The following DCBLD1 variants were observed in gnomAD, a reference collection of about 807,000 sequenced individuals.
DCBLD1 encodes discoidin, CUB and LCCL domain containing 1, also known as discoidin, CUB and LCCL domain-containing protein 1.
In DCBLD1, 57 loss-of-function variants were observed where a neutral mutation model predicts 71.5. That is an observed-to-expected ratio of 0.80 (90% CI 0.64 to 0.99). DCBLD1 has a LOEUF of 0.99. DCBLD1 is among the 50% of genes least tolerant of loss of function. The pLI is 0.00. For missense variants in DCBLD1, 891 were observed against 923.5 expected (o/e 0.96, Z 0.46); for synonymous variants, 380 against 363.8 (o/e 1.04, Z -0.51).
intron 2 of DCBLD1, among the ~76,000 whole-genome samples, chr6:117,511,286 C>T (rs1355155235): frequency 2.0e-5 from 3 of 152,240 alleles, no homozygotes; most frequent in African/African-American, 7.2e-5. Flanking sequence ...ACGTAGAGTT[C>T]CAGTATAAGT....
chr6:117,503,132 C>A (rs913579004), intron 1 of DCBLD1, among the ~76,000 whole-genome samples: 2 of 151,966 alleles, frequency 1.3e-5, no homozygotes, highest in Non-Finnish European at 2.9e-5. Context: ...CTTTTAATAC[C>A]ATGTCTGGTT....
chr6:117,548,196 C>A lies in DCBLD1; in HGVS notation c.1905C>A (p.Ser635=), dbSNP rs771283285. The change falls in exon 15 of 15, where the codon TCC becomes TCA. Residue 635 remains serine (S), a synonymous_variant. Transcript: ENST00000338728. The part of the protein sequence containing the change: ...GPQPGHKHSL[S]SGGFSPVAGV... ...AGCCCGGCCACAAACACTCCCTCTC[C>A]TCGGGCGGCTTCTCCCCCGTAGCGG... 5.4e-4 allele frequency: 841 copies of A among 1,550,364 alleles called. No individual in the cohort carries two copies. The highest frequency in any genetic ancestry group is 7.0e-4 in the Non-Finnish European group (800 of 1,146,964).
rs113474912 is a variant in DCBLD1 at position 117,538,088 on chromosome 6, C to T, written c.761-532C>T. The stretch of plus-strand genomic sequence containing the variant: ...ATAAACCGTTTCAAGGAAAACACTA[C>T]AAATATTTCTTCTTTGCCTTTATTG... On this transcript the variant is annotated intron_variant, in intron 7 of 14. Transcript: ENST00000338728. Among the ~76,000 whole-genome samples the T allele has an allele frequency of 6.3e-3, 962 of 152,246 alleles. 9 individuals carry two copies. Among genetic ancestry groups the T allele is most frequent in the African/African-American group, 0.022 (899 of 41,546 alleles).
intron 14 of DCBLD1, among the ~76,000 whole-genome samples, chr6:117,558,178 C>A (rs1261349642): frequency 6.6e-6 from 1 of 152,250 alleles, no homozygotes; most frequent in East Asian, 1.9e-4. Flanking sequence ...TTTCGCTGAA[C>A]ATTCAAGTGT....
chr6:117,510,149 A>G (rs1777968970), intron 2 of DCBLD1, among the ~76,000 whole-genome samples: 1 of 152,128 alleles, frequency 6.6e-6, no homozygotes, highest in East Asian at 1.9e-4. Flanking sequence ...GCGTTGATGC[A>G]TCATCTTGCT....
At chr6:117,554,929 T>C (rs1779478004) in intron 14 of DCBLD1, among the ~76,000 whole-genome samples, 1 of 152,128 alleles carries the variant, frequency 6.6e-6, no homozygotes, top group Non-Finnish European at 1.5e-5. Flanking sequence ...TCAGGGCTTT[T>C]CTTTCTTTGT....
intron 12 of DCBLD1, among the ~76,000 whole-genome samples, chr6:117,543,819 G>T (rs1355178847): frequency 6.6e-6 from 1 of 152,110 alleles, no homozygotes; most frequent in African/African-American, 2.4e-5. Context: ...GCTGCTTGGG[G>T]TATCACCAAG....
At chr6:117,561,561 G>A (rs1420750156) in intron 14 of DCBLD1, 2 of 211,644 alleles carry the variant, frequency 9.4e-6, no homozygotes, top group Admixed American at 5.9e-5. Context: ...TTGGCATAGG[G>A]GATTCATAAA....
chr6:117,498,257 C>T (rs1320567583), intron 1 of DCBLD1, among the ~76,000 whole-genome samples: 1 of 152,168 alleles, frequency 6.6e-6, no homozygotes, highest in African/African-American at 2.4e-5. Flanking sequence ...GTGTCACAAA[C>T]CAGCTGTGGC....
At chr6:117,482,993 C>G (rs903395065) in intron 1 of DCBLD1, 100 bp downstream of exon 1, 1 of 868,434 alleles carries the variant, frequency 1.2e-6, no homozygotes, top group East Asian at 9.8e-5. Context: ...ACGGGGCGGG[C>G]CGGGCCTGGG....
chr6:117,527,119 C>T (rs1019364493), intron 5 of DCBLD1, among the ~76,000 whole-genome samples: 6 of 152,224 alleles, frequency 3.9e-5, no homozygotes, highest in African/African-American at 1.4e-4. Context: ...TGGCCACTTG[C>T]ATCCTCAAAG....
chr6:117,484,850 A>C (rs1052292015), intron 1 of DCBLD1: 1 of 152,206 alleles, frequency 6.6e-6, no homozygotes, highest in Non-Finnish European at 1.5e-5. Flanking sequence ...GTGACCCCAT[A>C]AAGCTATACT....
chr6:117,533,555 A>G (rs1203901408), intron 6 of DCBLD1, among the ~76,000 whole-genome samples: 2 of 152,226 alleles, frequency 1.3e-5, no homozygotes, highest in Admixed American at 6.5e-5. Flanking sequence ...TAGCAATGTC[A>G]TAGGTCAAAT....
chr6:117,548,355 G>C lies in DCBLD1; in HGVS notation c.2064G>C (p.Thr688=), dbSNP rs115451873. 702 of 1,550,634 alleles carry C rather than the reference G, an allele frequency of 4.5e-4. 2 individuals carry two copies. The African/African-American group carries it at 8.8e-3, about 19-fold the overall frequency. The change falls in exon 15 of 15, where the codon ACG becomes ACC. Residue 688 remains threonine, a synonymous_variant. Transcript: ENST00000338728. ...ACCCTGACTCTCAGAAGCCCCCAAC[G>C]CATCCCGGGACGAGTGACAGCTATT... ...SGHPDSQKPP[T]HPGTSDSYSA...
In DCBLD1 at chr6:117,503,921, C is replaced by A; in HGVS notation, c.267C>A (p.Ile89=). Residue 89 remains isoleucine, a synonymous_variant, in exon 2 of 15, where the codon ATC becomes ATA. Transcript: ENST00000338728. ...RLILRLGDLD[I]ESQTCASDYL... ...TTCTGAGGTTGGGAGATTTGGATAT[C>A]GAATCCCAGACCTGTGCTTCTGACT... 1 of 1,614,102 alleles carries A rather than the reference C, an allele frequency of 6.2e-7. No individual in the cohort carries two copies. The highest frequency in any genetic ancestry group is 8.5e-7 in the Non-Finnish European group (1 of 1,179,986).
intron 14 of DCBLD1, chr6:117,569,564 G>T (rs748397494): frequency 6.2e-7 from 1 of 1,611,538 alleles, no homozygotes; most frequent in South Asian, 1.1e-5. Flanking sequence ...TACATGAAGG[G>T]AATTTACCTG....
Position 117,548,085 on chromosome 6 carries a change from C to CCG in DCBLD1, c.1794_1795insCG (p.Glu599ArgfsTer45). On this transcript the variant is annotated frameshift_variant, in exon 15 of 15. Coordinates refer to ENST00000338728, the MANE Select transcript of DCBLD1 (RefSeq NM_001366458.2). LOFTEE classifies it low-confidence loss of function (END_TRUNC). ...CGCTGCCCCTGGCGCCCCCGGAGCC[C>CCG]GAGTACGCCACGCCCATCGTGGAGC... is the stretch of plus-strand genomic sequence containing the variant. 6.5e-7 allele frequency: 1 copy of CCG among 1,549,186 alleles called. No homozygotes were observed. Among genetic ancestry groups the CCG allele is most frequent in the Non-Finnish European group, 8.7e-7 (1 of 1,146,188 alleles).
chr6:117,545,648 T>C (rs72965530), intron 14 of DCBLD1, 51 bp downstream of exon 14: 87,851 of 1,576,700 alleles, frequency 0.056, 2,801 homozygotes, highest in Non-Finnish European at 0.063. Context: ...GTGCTGCTTG[T>C]GGGGGAGGGA....
chr6:117,558,532 C>T (rs916305), intron 14 of DCBLD1, among the ~76,000 whole-genome samples: 16,046 of 152,176 alleles, frequency 0.11, 918 homozygotes, highest in Middle Eastern at 0.14. Context: ...TGCTAGGACT[C>T]ATCAGACTAA....
Sources: allele counts gnomAD v4.1 joint callset (sites outside exome capture counted in the v4.1 genomes callset), GRCh38; gene constraint gnomAD v4.1.1; transcripts MANE v1.5; gene names NCBI Gene and HGNC (gene_info 2026-07-23, HGNC 2026-07-21).